Variants in TBC1D23 observed in about 807,000 individuals in gnomAD.
TBC1D23 encodes the protein TBC1 domain family member 23.
TBC1D23 carries 55 observed loss-of-function variants against 91.4 expected under a neutral mutation model. That is an observed-to-expected ratio of 0.60 (90% confidence interval 0.48 to 0.75). TBC1D23 has a LOEUF of 0.75. TBC1D23 is among the 30% of genes least tolerant of loss of function. TBC1D23 has a pLI of 0.00. For synonymous variants in TBC1D23, 289 were observed against 281.0 expected, an observed-to-expected ratio of 1.03 and a Z score of -0.28; for missense variants, 725 against 836.1, an observed-to-expected ratio of 0.87 and a Z score of 1.64.
rs958917255 is a variant in TBC1D23 at position 100,280,887 on chromosome 3, C to T, written c.166-855C>T. Among the ~76,000 whole-genome samples the T allele has an allele frequency of 7.9e-5, 12 of 152,162 alleles. No individual in the cohort carries two copies. The East Asian group carries it at 2.3e-3, about 29-fold the overall frequency. On this transcript the variant is annotated intron_variant, in intron 2 of 18. Coordinates refer to ENST00000394144, the MANE Select transcript of TBC1D23 (RefSeq NM_001199198.3). The stretch of plus-strand genomic sequence containing the variant: ...AAGAATGGTAATTCCTGGCTGGGTA[C>T]AGTGGCTCACACCTGTAATCCCAGC...
At chr3:100,319,864 C>T (rs1199858203) in intron 17 of TBC1D23, among the ~76,000 whole-genome samples, 1 of 152,126 alleles carries the variant, frequency 6.6e-6, no homozygotes, top group African/African-American at 2.4e-5. Flanking sequence ...CACTTCATCC[C>T]TAAATGCTTC....
At chr3:100,279,179 T>A (rs2067675063) in intron 1 of TBC1D23, among the ~76,000 whole-genome samples, 2 of 152,228 alleles carry the variant, frequency 1.3e-5, no homozygotes, top group Non-Finnish European at 2.9e-5. Context: ...ATTTCTTCAG[T>A]TGTCCCCTAA....
At chr3:100,287,667 C>G (rs1202999831) in intron 4 of TBC1D23, among the ~76,000 whole-genome samples, 2 of 152,196 alleles carry the variant, frequency 1.3e-5, no homozygotes, top group African/African-American at 4.8e-5. Flanking sequence ...ATAAAACTTC[C>G]TTCCACCTGC....
chr3:100,273,435 T>A (rs924321626), intron 1 of TBC1D23, among the ~76,000 whole-genome samples: 1 of 149,160 alleles, frequency 6.7e-6, no homozygotes, highest in East Asian at 2.0e-4. Context: ...TCTCTCTTTC[T>A]TTTCCCCACA....
chr3:100,276,881 G>T (rs1271131540), intron 1 of TBC1D23, among the ~76,000 whole-genome samples: 1 of 152,184 alleles, frequency 6.6e-6, no homozygotes, highest in African/African-American at 2.4e-5. Flanking sequence ...GATTTGGTCT[G>T]TCCTGACCTT....
intron 15 of TBC1D23, among the ~76,000 whole-genome samples, chr3:100,313,934 T>G (rs1253294159): frequency 6.6e-6 from 1 of 152,124 alleles, no homozygotes; most frequent in Non-Finnish European, 1.5e-5. Context: ...TAAAACCAAA[T>G]GATTATGTCA....
chr3:100,282,212 T>C (rs1411767722), intron 3 of TBC1D23, among the ~76,000 whole-genome samples: 1 of 152,184 alleles, frequency 6.6e-6, no homozygotes, highest in Admixed American at 6.5e-5. Context: ...CTTGGGAGGC[T>C]GAGGCAGGAG....
chr3:100,295,715 C>G (rs1219359340), intron 7 of TBC1D23, among the ~76,000 whole-genome samples: 1 of 152,116 alleles, frequency 6.6e-6, no homozygotes, highest in Non-Finnish European at 1.5e-5. Flanking sequence ...GGATTCTCCC[C>G]ACCATATCCC....
chr3:100,288,736 A>G (rs1419856167), intron 4 of TBC1D23, among the ~76,000 whole-genome samples: 3 of 152,208 alleles, frequency 2.0e-5, no homozygotes, highest in Non-Finnish European at 4.4e-5. Context: ...AGTAGAATGT[A>G]TCTCAGTACA....
intron 1 of TBC1D23, 128 bp downstream of exon 1, chr3:100,261,199 CCTGCCCTACCCCT>C (rs1264828245): frequency 3.0e-5 from 25 of 844,278 alleles, no homozygotes; most frequent in Non-Finnish European, 4.6e-5. Flanking sequence ...AGTCCGGTGC[CCTGCCCTACCCCT>C]CTGCCAGCTG....
intron 1 of TBC1D23, among the ~76,000 whole-genome samples, chr3:100,275,919 A>G (rs2067644655): frequency 6.6e-6 from 1 of 152,186 alleles, no homozygotes; most frequent in African/African-American, 2.4e-5. Context: ...GCCACACATT[A>G]TATGATTCCA....
intron 3 of TBC1D23, among the ~76,000 whole-genome samples, chr3:100,282,949 A>C (rs1016582204): frequency 1.3e-5 from 2 of 152,240 alleles, no homozygotes; most frequent in Non-Finnish European, 2.9e-5. Flanking sequence ...ATGTTTAGTA[A>C]ATACTGAATG....
At chr3:100,273,709 A>G (rs1465203242) in intron 1 of TBC1D23, among the ~76,000 whole-genome samples, 1 of 152,162 alleles carries the variant, frequency 6.6e-6, no homozygotes, top group East Asian at 1.9e-4. Flanking sequence ...ACCCAGAAAT[A>G]AGACTGCACA....
At chr3:100,318,219 C>G (rs1032286663) in intron 16 of TBC1D23, among the ~76,000 whole-genome samples, 2 of 151,928 alleles carry the variant, frequency 1.3e-5, no homozygotes, top group Non-Finnish European at 2.9e-5. Flanking sequence ...AAGCAAAGGA[C>G]AGAACCTGTA....
intron 17 of TBC1D23, among the ~76,000 whole-genome samples, chr3:100,320,115 C>A (rs146630640): frequency 6.6e-6 from 1 of 152,112 alleles, no homozygotes; most frequent in African/African-American, 2.4e-5. Flanking sequence ...CAGAACTCAT[C>A]CCCCCACCCC....
At chr3:100,285,520 T>G (rs1477941280) in intron 4 of TBC1D23, among the ~76,000 whole-genome samples, 4 of 152,230 alleles carry the variant, frequency 2.6e-5, no homozygotes, top group African/African-American at 7.2e-5. Flanking sequence ...TTTTTACTAT[T>G]ATGAGTATGA....
intron 13 of TBC1D23, among the ~76,000 whole-genome samples, chr3:100,306,812 G>A (rs1273840337): frequency 1.3e-5 from 2 of 152,170 alleles, no homozygotes; most frequent in Admixed American, 6.5e-5. Context: ...CTGTCCAGCT[G>A]TAGTTTGGTA....
chr3:100,272,327 C>G (rs568636402), intron 1 of TBC1D23, among the ~76,000 whole-genome samples: 1 of 152,092 alleles, frequency 6.6e-6, no homozygotes, highest in Non-Finnish European at 1.5e-5. Context: ...TTACTTAATA[C>G]GCTAGAGAAG....
At chr3:100,276,853 C>T (rs1234417114) in intron 1 of TBC1D23, among the ~76,000 whole-genome samples, 4 of 152,214 alleles carry the variant, frequency 2.6e-5, no homozygotes, top group Non-Finnish European at 5.9e-5. Context: ...CTCCTTCCTT[C>T]CCACCTCAGA....
Sources: gnomAD v4.1 joint callset for allele counts (sites outside exome capture counted in the v4.1 genomes callset) on GRCh38, gnomAD v4.1.1 for gene constraint, MANE v1.5 for transcripts, NCBI Gene and HGNC (gene_info 2026-07-23, HGNC 2026-07-21) for gene names.